NR3C2: variants seen among roughly 807,000 people sequenced by gnomAD.
NR3C2 encodes the protein nuclear receptor subfamily 3 group C member 2, also known as mineralocorticoid receptor.
NR3C2 carries 15 observed loss-of-function variants against 86.4 expected under a neutral mutation model. The ratio of observed to expected loss-of-function variants is 0.17; its 90% CI spans 0.12 to 0.27. NR3C2 has a LOEUF of 0.27. NR3C2 is among the 10% of genes least tolerant of loss of function. The pLI is 1.00. For synonymous variants in NR3C2, 458 were observed against 450.5 expected, an observed-to-expected ratio of 1.02 and a Z score of -0.21; for missense variants, 960 against 1,195.6, an observed-to-expected ratio of 0.80 and a Z score of 2.91.
At chr4:148,373,643 T>G (rs1293142065) in intron 2 of NR3C2, among the ~76,000 whole-genome samples, 1 of 151,732 alleles carries the variant, frequency 6.6e-6, no homozygotes, top group Non-Finnish European at 1.5e-5. Flanking sequence ...CCTGGCTAAT[T>G]TTTTGTATTT....
intron 2 of NR3C2, among the ~76,000 whole-genome samples, chr4:148,412,339 A>T (rs1414349312): frequency 6.6e-6 from 1 of 152,210 alleles, no homozygotes; most frequent in African/African-American, 2.4e-5. Context: ...CCTGGGACTG[A>T]CTTATTCCTA....
chr4:148,228,030 C>G (rs1428089817), intron 3 of NR3C2, among the ~76,000 whole-genome samples: 1 of 152,136 alleles, frequency 6.6e-6, no homozygotes, highest in Non-Finnish European at 1.5e-5. Context: ...TCTGGGCCTT[C>G]TCAGTAGACA....
At chr4:148,302,762 C>T (rs143377413) in intron 2 of NR3C2, among the ~76,000 whole-genome samples, 1 of 149,276 alleles carries the variant, frequency 6.7e-6, no homozygotes, top group Non-Finnish European at 1.5e-5. Flanking sequence ...AGGAGAACTG[C>T]TTGAACCTGG....
chr4:148,292,554 A>G (rs1448449140), intron 2 of NR3C2, among the ~76,000 whole-genome samples: 1 of 152,124 alleles, frequency 6.6e-6, no homozygotes, highest in African/African-American at 2.4e-5. Flanking sequence ...AGACTTACAT[A>G]TGAAAGAAAA....
chr4:148,094,952 A>G (rs1051450188), intron 8 of NR3C2, among the ~76,000 whole-genome samples: 1 of 152,150 alleles, frequency 6.6e-6, no homozygotes, highest in Non-Finnish European at 1.5e-5. Context: ...ATAAAAAAGA[A>G]CAAATACTAT....
chr4:148,163,950 AGAC>A (rs1290398885), intron 4 of NR3C2, among the ~76,000 whole-genome samples: 1 of 152,228 alleles, frequency 6.6e-6, no homozygotes, highest in Admixed American at 6.5e-5. Context: ...TTACATTTGC[AGAC>A]AACATCTAAT....
chr4:148,409,631 A>G (rs1004080175), intron 2 of NR3C2, among the ~76,000 whole-genome samples: 1 of 152,154 alleles, frequency 6.6e-6, no homozygotes, highest in Non-Finnish European at 1.5e-5. Context: ...ATTATTAAGA[A>G]TTTCCAAGTT....
intron 2 of NR3C2, among the ~76,000 whole-genome samples, chr4:148,307,486 T>A (rs1391811020): frequency 7.9e-5 from 12 of 152,198 alleles, no homozygotes. Context: ...GCTCAGAGAA[T>A]GTGAGATGTA....
chr4:148,281,862 A>G (rs1278629953), intron 2 of NR3C2, among the ~76,000 whole-genome samples: 2 of 152,238 alleles, frequency 1.3e-5, no homozygotes, highest in South Asian at 2.1e-4. Flanking sequence ...ATAACCATGT[A>G]TAATATTCAT....
intron 4 of NR3C2, among the ~76,000 whole-genome samples, chr4:148,174,731 C>G (rs1735287715): frequency 6.6e-6 from 1 of 152,158 alleles, no homozygotes; most frequent in Non-Finnish European, 1.5e-5. Flanking sequence ...TTTCCTCTCT[C>G]TTAATGAATC....
At chr4:148,386,992 C>T (rs991405424) in intron 2 of NR3C2, among the ~76,000 whole-genome samples, 1 of 152,120 alleles carries the variant, frequency 6.6e-6, no homozygotes, top group Non-Finnish European at 1.5e-5. Flanking sequence ...GTGACTTAAC[C>T]CAGTTTTGTG....
At chr4:148,108,925 G>A (rs185587996) in intron 8 of NR3C2, among the ~76,000 whole-genome samples, 3 of 152,298 alleles carry the variant, frequency 2.0e-5, no homozygotes, top group East Asian at 1.9e-4. Flanking sequence ...CTGGAGCGCC[G>A]GAGGGTGGTG....
chr4:148,129,141 A>G (rs1279773840), intron 6 of NR3C2, among the ~76,000 whole-genome samples: 1 of 152,250 alleles, frequency 6.6e-6, no homozygotes, highest in Non-Finnish European at 1.5e-5. Context: ...TCACTGACAG[A>G]TAAATGGATA....
At chr4:148,093,795 C>CT (rs1731160972) in intron 8 of NR3C2, among the ~76,000 whole-genome samples, 1 of 152,022 alleles carries the variant, frequency 6.6e-6, no homozygotes, top group Non-Finnish European at 1.5e-5. Context: ...CAGTGTTATT[C>CT]TTGGATATGG....
At chr4:148,318,520 C>T (rs1345664894) in intron 2 of NR3C2, among the ~76,000 whole-genome samples, 1 of 150,998 alleles carries the variant, frequency 6.6e-6, no homozygotes, top group East Asian at 1.9e-4. Context: ...TATTTCTCCA[C>T]ATCCTCTCCA....
At chr4:148,139,878 G>A (rs947312389) in intron 6 of NR3C2, among the ~76,000 whole-genome samples, 2 of 152,090 alleles carry the variant, frequency 1.3e-5, no homozygotes, top group Middle Eastern at 3.2e-3. Flanking sequence ...GTTCATGGGT[G>A]GAAAAGAGGA....
intron 3 of NR3C2, among the ~76,000 whole-genome samples, chr4:148,233,050 A>C (rs1252180657): frequency 2.0e-5 from 3 of 152,236 alleles, no homozygotes; most frequent in African/African-American, 7.2e-5. Flanking sequence ...AACTTTCTCC[A>C]TATCAGCATT....
intron 6 of NR3C2, among the ~76,000 whole-genome samples, chr4:148,120,679 C>T (rs1217877064): frequency 6.6e-6 from 1 of 152,170 alleles, no homozygotes; most frequent in Non-Finnish European, 1.5e-5. Flanking sequence ...AGATATCCAG[C>T]ACTTATAGGA....
chr4:148,402,233 C>A (rs1438590706), intron 2 of NR3C2, among the ~76,000 whole-genome samples: 3 of 152,112 alleles, frequency 2.0e-5, no homozygotes, highest in Non-Finnish European at 2.9e-5. Context: ...TAGCAATAAA[C>A]TGCCAGATCA....
Sources: gnomAD v4.1 joint callset for allele counts (sites outside exome capture counted in the v4.1 genomes callset) on GRCh38, gnomAD v4.1.1 for gene constraint, MANE v1.5 for transcripts, NCBI Gene and HGNC (gene_info 2026-07-23, HGNC 2026-07-21) for gene names.